The following ADAM10 variants were observed in gnomAD, a reference collection of about 807,000 sequenced individuals.
ADAM10 encodes ADAM metallopeptidase domain 10.
In ADAM10, 17 loss-of-function variants were observed where a neutral mutation model predicts 90.1. That is an observed-to-expected ratio of 0.19 (90% CI 0.13 to 0.28). The LOEUF (loss-of-function observed/expected upper bound fraction) is 0.28. ADAM10 is among the 10% of genes least tolerant of loss of function. The pLI is 1.00. For synonymous variants in ADAM10, 310 were observed against 298.6 expected, an observed-to-expected ratio of 1.04 and a Z score of -0.40; for missense variants, 610 against 914.3, an observed-to-expected ratio of 0.67 and a Z score of 4.29.
intron 2 of ADAM10, among the ~76,000 whole-genome samples, chr15:58,697,926 C>T (rs1404953787): frequency 2.0e-5 from 3 of 151,972 alleles, no homozygotes; most frequent in Non-Finnish European, 2.9e-5. Context: ...TGTAAACAGC[C>T]GAATAATTTA....
chr15:58,718,321 C>T (rs1361329025), intron 1 of ADAM10, among the ~76,000 whole-genome samples: 1 of 152,000 alleles, frequency 6.6e-6, no homozygotes, highest in Non-Finnish European at 1.5e-5. Flanking sequence ...GTTAAGCCAA[C>T]CTTGCATTAC....
At chr15:58,683,859 CAAAAAAA>C (rs71425819) in intron 2 of ADAM10, among the ~76,000 whole-genome samples, 48 of 67,246 alleles carry the variant, frequency 7.1e-4, no homozygotes, top group Admixed American at 1.3e-3. Flanking sequence ...GGCTCCATCT[CAAAAAAA>C]AAAAAAAAAA....
At chr15:58,737,094 T>A (rs1314890891) in intron 1 of ADAM10, among the ~76,000 whole-genome samples, 1 of 152,134 alleles carries the variant, frequency 6.6e-6, no homozygotes, top group Admixed American at 6.5e-5. Context: ...TCTCCCTTTT[T>A]ACAATTTGAG....
chr15:58,696,932 G>C (rs1403069486), intron 2 of ADAM10, among the ~76,000 whole-genome samples: 6 of 152,196 alleles, frequency 3.9e-5, no homozygotes, highest in African/African-American at 1.4e-4. Flanking sequence ...CCCTGCCCTG[G>C]GGCCAAACAG....
intron 5 of ADAM10, among the ~76,000 whole-genome samples, chr15:58,651,851 T>C (rs551882501): frequency 3.9e-4 from 60 of 152,276 alleles, no homozygotes; most frequent in African/African-American, 1.4e-3. Context: ...TTGTACTAAT[T>C]TGCATTCCCA....
intron 2 of ADAM10, among the ~76,000 whole-genome samples, chr15:58,710,398 C>T (rs1166042349): frequency 6.6e-6 from 1 of 152,194 alleles, no homozygotes; most frequent in Non-Finnish European, 1.5e-5. Flanking sequence ...TACTTTTAGT[C>T]ATACAAAAAT....
chr15:58,632,755 G>A (rs1466700516), intron 9 of ADAM10, among the ~76,000 whole-genome samples: 4 of 152,134 alleles, frequency 2.6e-5, no homozygotes, highest in Non-Finnish European at 1.5e-5. Flanking sequence ...CCACAGTAGA[G>A]AAAAGATTTT....
At chr15:58,638,119 T>C (rs1293852160) in intron 8 of ADAM10, among the ~76,000 whole-genome samples, 2 of 151,968 alleles carry the variant, frequency 1.3e-5, no homozygotes, top group Non-Finnish European at 2.9e-5. Flanking sequence ...GCCTAGCCCC[T>C]CCCCAGCAGC....
Position 58,643,951 on chromosome 15 carries a change from T to A in ADAM10, c.763A>T (p.Thr255Ser), listed in dbSNP as rs147572059. The change falls in exon 7 of 16, where the codon ACA becomes TCA. Residue 255 changes from threonine to serine, a missense_variant. By Grantham distance (58) the Thr-to-Ser change is moderately conservative (BLOSUM62 1). This residue lies in a region of ADAM10 where 310 missense variants were observed against 362.4 expected (regional missense o/e 0.86). Coordinates refer to ENST00000260408, the MANE Select transcript of ADAM10 (RefSeq NM_001110.4). ...GAGAAGTCTGTGGTCTGGTAAATTG[T>A]ATCAATCGCTTTAACATGACTGGAT... ...QISSHVKAID[T>S]IYQTTDFSGI... 1.9e-6 allele frequency: 3 copies of A among 1,612,650 alleles called. No individual in the cohort carries two copies. In the South Asian group the frequency reaches 3.3e-5, roughly 18 times the overall value.
chr15:58,660,837 C>A (rs1320992515), intron 5 of ADAM10, among the ~76,000 whole-genome samples: 2 of 152,186 alleles, frequency 1.3e-5, no homozygotes, highest in Non-Finnish European at 2.9e-5. Flanking sequence ...GACTTTTGAA[C>A]AACATGTAGT....
At chr15:58,619,961 G>C (rs1323141942) in intron 11 of ADAM10, among the ~76,000 whole-genome samples, 2 of 151,750 alleles carry the variant, frequency 1.3e-5, no homozygotes, top group African/African-American at 4.8e-5. Context: ...GTCAAGAAAA[G>C]TGTGCGACTT....
At chr15:58,656,420 G>A (rs1290315399) in intron 5 of ADAM10, among the ~76,000 whole-genome samples, 2 of 151,532 alleles carry the variant, frequency 1.3e-5, no homozygotes, top group East Asian at 3.9e-4. Context: ...TCCCTCTAGT[G>A]AAGCTGATTT....
chr15:58,680,209 A>G (rs1279814055), intron 3 of ADAM10, among the ~76,000 whole-genome samples: 1 of 151,884 alleles, frequency 6.6e-6, no homozygotes, highest in Non-Finnish European at 1.5e-5. Context: ...TGCAGCCTCA[A>G]CCTCCTGGGC....
intron 2 of ADAM10, among the ~76,000 whole-genome samples, chr15:58,701,026 A>AC (rs1425207108): frequency 6.6e-6 from 1 of 151,120 alleles, no homozygotes; most frequent in African/African-American, 2.4e-5. Context: ...AAAAAACAAA[A>AC]AAAAAAAAAC....
intron 1 of ADAM10, among the ~76,000 whole-genome samples, chr15:58,736,133 A>G (rs903631756): frequency 4.6e-5 from 7 of 152,182 alleles, no homozygotes; most frequent in African/African-American, 1.7e-4. Flanking sequence ...AGCCAGGCTT[A>G]TCCTTATTAA....
At chr15:58,709,409 G>T (rs914251333) in intron 2 of ADAM10, among the ~76,000 whole-genome samples, 16 of 152,140 alleles carry the variant, frequency 1.1e-4, no homozygotes, top group African/African-American at 3.9e-4. Flanking sequence ...GACATTCACT[G>T]TCTAGGTCAC....
chr15:58,704,045 A>G (rs1275106532), intron 2 of ADAM10: 2 of 152,616 alleles, frequency 1.3e-5, no homozygotes, highest in Middle Eastern at 3.4e-3. Context: ...AGGGATGCAC[A>G]TGGAGCAGTG....
At chr15:58,651,709 A>G (rs1218287039) in intron 5 of ADAM10, among the ~76,000 whole-genome samples, 2 of 152,210 alleles carry the variant, frequency 1.3e-5, no homozygotes, top group South Asian at 4.1e-4. Context: ...TGAACAGTGC[A>G]GCAACAAACA....
rs114645480 is a variant in ADAM10 at position 58,728,158 on chromosome 15, G to A, written c.56-10431C>T. 5.2e-3 allele frequency among the ~76,000 whole-genome samples: 796 copies of A among 152,244 alleles called. 6 individuals are homozygous for A. The highest frequency in any genetic ancestry group is 0.017 in the African/African-American group (721 of 41,540). On this transcript the variant is annotated intron_variant, in intron 1 of 15. Transcript: ENST00000260408. ...TCTAAGAGTATGTTTTCTGACTACA[G>A]GAGAATTAAGCCAATAACAGATATG...
Sources: allele counts gnomAD v4.1 joint callset (sites outside exome capture counted in the v4.1 genomes callset), GRCh38; gene constraint gnomAD v4.1.1; regional missense constraint gnomAD v4.1.1; transcripts MANE v1.5; gene names NCBI Gene and HGNC (gene_info 2026-07-23, HGNC 2026-07-21).